Variants in TRAPPC10 observed in about 807,000 individuals in gnomAD.
The protein encoded by TRAPPC10 is trafficking protein particle complex subunit 10.
In TRAPPC10, 23 loss-of-function variants were observed where a neutral mutation model predicts 125.5. That is an observed-to-expected ratio of 0.18 (90% CI 0.13 to 0.26). The LOEUF (loss-of-function observed/expected upper bound fraction) is 0.26. Among genes scored for constraint, TRAPPC10 ranks in the 10% least tolerant of loss-of-function variants. TRAPPC10 has a pLI of 1.00. For missense variants in TRAPPC10, 1,123 were observed against 1,308.4 expected (o/e 0.86, Z 2.19); for synonymous variants, 509 against 518.0 (o/e 0.98, Z 0.24).
At chr21:44,067,292 G>A (rs775710109) in intron 7 of TRAPPC10, among the ~76,000 whole-genome samples, 9 of 152,194 alleles carry the variant, frequency 5.9e-5, no homozygotes, top group Non-Finnish European at 8.8e-5. Flanking sequence ...AGCTGGGATC[G>A]GTATTCTGAG....
At chr21:44,025,833 TGTGTGTGTG>T (rs2033002797) in intron 1 of TRAPPC10, among the ~76,000 whole-genome samples, 1 of 54,718 alleles carries the variant, frequency 1.8e-5, no homozygotes, top group Non-Finnish European at 3.3e-5. Flanking sequence ...TGTGTGTGTG[TGTGTGTGTG>T]TGTGTGTGTG....
At chr21:44,052,744 C>CT (rs993896853) in intron 4 of TRAPPC10, among the ~76,000 whole-genome samples, 1 of 151,912 alleles carries the variant, frequency 6.6e-6, no homozygotes, top group African/African-American at 2.4e-5. Context: ...TTTCTGAAGA[C>CT]TGACAGCAGC....
intron 3 of TRAPPC10, among the ~76,000 whole-genome samples, chr21:44,044,433 T>C (rs1019771702): frequency 4.6e-5 from 7 of 152,120 alleles, no homozygotes; most frequent in African/African-American, 1.2e-4. Flanking sequence ...TTAGGACTTA[T>C]AGAGTACATC....
At chr21:44,064,498 C>T (rs1035873723) in intron 7 of TRAPPC10, among the ~76,000 whole-genome samples, 3 of 152,012 alleles carry the variant, frequency 2.0e-5, no homozygotes, top group Non-Finnish European at 1.5e-5. Flanking sequence ...TCCTCTTTAC[C>T]CAAAACAATT....
intron 3 of TRAPPC10, chr21:44,047,048 T>C: frequency 4.3e-6 from 3 of 704,672 alleles, no homozygotes; most frequent in Non-Finnish European, 8.0e-6. Context: ...CCATTTCGAA[T>C]TCTGCTGAAG....
chr21:44,022,986 T>A (rs1198432063), intron 1 of TRAPPC10, among the ~76,000 whole-genome samples: 1 of 145,970 alleles, frequency 6.9e-6, no homozygotes, highest in Non-Finnish European at 1.5e-5. Context: ...ACTAATTCCC[T>A]AAAGGTTGCA....
chr21:44,047,817 T>C (rs941090813), intron 3 of TRAPPC10, among the ~76,000 whole-genome samples: 3 of 152,210 alleles, frequency 2.0e-5, no homozygotes, highest in African/African-American at 7.2e-5. Context: ...ATGTGTCTTC[T>C]TCACTTCAGT....
intron 1 of TRAPPC10, 102 bp downstream of exon 1, chr21:44,012,662 C>T (rs1442118921): frequency 3.8e-6 from 4 of 1,042,876 alleles, no homozygotes; most frequent in South Asian, 3.0e-5. Context: ...CGGCGCGCTC[C>T]GGGCTGGGCC....
chr21:44,072,405 T>C (rs1390778667), intron 7 of TRAPPC10, among the ~76,000 whole-genome samples: 1 of 152,222 alleles, frequency 6.6e-6, no homozygotes, highest in East Asian at 1.9e-4. Context: ...GGATGCATCT[T>C]TACCAAAAGC....
intron 18 of TRAPPC10, among the ~76,000 whole-genome samples, chr21:44,091,377 A>C (rs907733117): frequency 3.3e-5 from 5 of 152,166 alleles, no homozygotes; most frequent in African/African-American, 9.7e-5. Flanking sequence ...GGCTGGTCAG[A>C]AACTATATTC....
chr21:44,084,376 T>C (rs771962157), intron 15 of TRAPPC10, 113 bp downstream of exon 15: 58 of 1,111,092 alleles, frequency 5.2e-5, no homozygotes, highest in Admixed American at 6.6e-5. Flanking sequence ...TTAAGAGATA[T>C]TTTGGGTAAC....
At chr21:44,042,004 G>A (rs943402168) in intron 3 of TRAPPC10, among the ~76,000 whole-genome samples, 1 of 152,098 alleles carries the variant, frequency 6.6e-6, no homozygotes, top group Non-Finnish European at 1.5e-5. Context: ...GAACCACGGC[G>A]CCCAGCCCCC....
intron 4 of TRAPPC10, among the ~76,000 whole-genome samples, chr21:44,053,249 T>C (rs1451195246): frequency 6.6e-6 from 1 of 152,232 alleles, no homozygotes; most frequent in Non-Finnish European, 1.5e-5. Flanking sequence ...AGAAAATGGA[T>C]ATTAACTCTT....
chr21:44,063,111 T>G lies in TRAPPC10; in HGVS notation c.791-427T>G, dbSNP rs2036179049. 1 of 1,304,828 alleles carries G rather than the reference T, an allele frequency of 7.7e-7. No homozygotes were observed. The highest frequency in any genetic ancestry group is 2.3e-5 in the Admixed American group (1 of 43,548). 80.8% of individuals were successfully genotyped at this position (1,304,828 alleles called of 1,614,324 possible). A position where few individuals can be genotyped will look rare whatever the true frequency, so the allele number is the denominator to read the frequency against. ...AGGGAAATAAGGAAGGAATATGTAA[T>G]CTAAGGAAGACCAAAAAACACCAGG... On this transcript the variant is annotated intron_variant, in intron 6 of 22. Coordinates refer to ENST00000291574, the MANE Select transcript of TRAPPC10 (RefSeq NM_003274.5). The surrounding 1 kb of genome is among the most constrained non-coding windows in gnomAD (Gnocchi z 4.4).
Position 44,043,168 on chromosome 21 carries a change from A to G in TRAPPC10, c.285+5241A>G, listed in dbSNP as rs566243531. On this transcript the variant is annotated intron_variant, in intron 3 of 22. Coordinates refer to ENST00000291574, the MANE Select transcript of TRAPPC10 (RefSeq NM_003274.5). ...TCTAGACACTTTGGTTCTATTGATC[A>G]TTGTCTATCCTGTGCCAGAATCAGA... Among the ~76,000 whole-genome samples the G allele has an allele frequency of 1.1e-4, 16 of 140,248 alleles. No homozygotes were observed. The South Asian group carries it at 3.6e-3, about 31-fold the overall frequency. 92.0% of individuals were successfully genotyped at this position (140,248 alleles called of 152,430 possible). A position where few individuals can be genotyped will look rare whatever the true frequency, so the allele number is the denominator to read the frequency against.
At chr21:44,061,215 C>T (rs1322572164) in intron 6 of TRAPPC10, among the ~76,000 whole-genome samples, 1 of 152,214 alleles carries the variant, frequency 6.6e-6, no homozygotes, top group African/African-American at 2.4e-5. Flanking sequence ...CGGCTCACTG[C>T]AACCTCCGCC....
rs757178143 is a variant in TRAPPC10 at position 44,087,836 on chromosome 21, G to C, written c.2677G>C (p.Gly893Arg). 6.2e-7 allele frequency: 1 copy of C among 1,614,254 alleles called. No individual in the cohort carries two copies. The change falls in exon 17 of 23, where the codon GGG (glycine) becomes CGG (arginine). Residue 893 changes from glycine to arginine, a missense_variant. Transcript: ENST00000291574. This position sits in a 1 kb window ranked among gnomAD's most constrained non-coding sequence, Gnocchi z 4.6. ...TTTACCTTCAGCCCCAGCACTCGGA[G>C]GGGAGAGTGACATGCTGGGGATGGC... Reference protein sequence around the residue: ...LSLPSAPALGGESDMLGMAEP... With the variant: ...LSLPSAPALGRESDMLGMAEP...
chr21:44,056,785 A>G lies in TRAPPC10; in HGVS notation c.678+892A>G, dbSNP rs1457229586. Among the ~76,000 whole-genome samples the G allele has an allele frequency of 2.0e-5, 3 of 152,174 alleles. No individual in the cohort carries two copies. In the East Asian group the frequency reaches 5.8e-4, roughly 29 times the overall value. ...GGGGTCGAGGGTGGGGTCTTAGAGC[A>G]GAAACAACTACATCAGTGGAAAAAC... On this transcript the variant is annotated intron_variant, in intron 5 of 22. Coordinates refer to ENST00000291574, the MANE Select transcript of TRAPPC10 (RefSeq NM_003274.5).
At chr21:44,053,791 G>T (rs1338264385) in intron 4 of TRAPPC10, among the ~76,000 whole-genome samples, 1 of 152,102 alleles carries the variant, frequency 6.6e-6, no homozygotes, top group Admixed American at 6.6e-5. Flanking sequence ...GCGCCTGGGG[G>T]GATCACGCCG....
Sources: gnomAD v4.1 joint callset for allele counts (sites outside exome capture counted in the v4.1 genomes callset) on GRCh38, gnomAD v4.1.1 for gene constraint, Gnocchi (gnomAD v3.1) non-coding constraint, MANE v1.5 for transcripts, NCBI Gene and HGNC (gene_info 2026-07-23, HGNC 2026-07-21) for gene names.